Variants in KSR2 observed in about 807,000 individuals in gnomAD.
KSR2 encodes the protein kinase suppressor of ras 2.
In KSR2, 25 loss-of-function variants were observed where a neutral mutation model predicts 107.8. The observed-to-expected ratio is 0.23, with a 90% confidence interval of 0.17 to 0.32. KSR2 has a LOEUF of 0.32. Among genes scored for constraint, KSR2 ranks in the 10% least tolerant of loss-of-function variants. The pLI is 1.00. For missense variants in KSR2, 887 were observed against 1,268.9 expected, an observed-to-expected ratio of 0.70 and a Z score of 4.57; for synonymous variants, 480 against 507.0, an observed-to-expected ratio of 0.95 and a Z score of 0.71.
At chr12:117,703,186 A>T (rs562717794) in intron 4 of KSR2, among the ~76,000 whole-genome samples, 8 of 152,274 alleles carry the variant, frequency 5.3e-5, no homozygotes, top group Non-Finnish European at 1.2e-4. Context: ...CACATTCAGA[A>T]GTTGTCATTG....
chr12:117,855,364 C>T (rs562098177), intron 3 of KSR2, 64 bp downstream of exon 3: 13 of 1,582,574 alleles, frequency 8.2e-6, no homozygotes, highest in East Asian at 2.3e-5. Context: ...CACGGGATGC[C>T]GAGGGACCGC....
intron 5 of KSR2, among the ~76,000 whole-genome samples, chr12:117,615,278 G>GA (rs1254620718): frequency 6.6e-6 from 1 of 151,274 alleles, no homozygotes. Context: ...CTTTTGTCTA[G>GA]AAAAATGTGT....
chr12:117,712,261 T>C (rs1593158165), intron 4 of KSR2, among the ~76,000 whole-genome samples: 1 of 152,124 alleles, frequency 6.6e-6, no homozygotes, highest in East Asian at 1.9e-4. Context: ...CTCAAGGGGG[T>C]AGACTTCTCT....
At position 117,846,727 on chromosome 12, in the gene KSR2, C is replaced by T. The variant is rs11068697; in HGVS notation, c.472+8701G>A. On this transcript the variant is annotated intron_variant, in intron 3 of 19. Coordinates refer to ENST00000339824, the MANE Select transcript of KSR2 (RefSeq NM_173598.6). Reference sequence around the variant, plus strand: ...TTGCAATAGGGCAGCTGCTAGCCACCTGTGGCGATGAACAACTTGAAACAT... The same window carrying T: ...TTGCAATAGGGCAGCTGCTAGCCACTTGTGGCGATGAACAACTTGAAACAT... 3.9e-4 allele frequency among the ~76,000 whole-genome samples: 59 copies of T among 152,390 alleles called. No individual in the cohort carries two copies. In the East Asian group the frequency reaches 0.011, roughly 29 times the overall value.
At chr12:117,704,095 T>A (rs1196305518) in intron 4 of KSR2, among the ~76,000 whole-genome samples, 2 of 152,050 alleles carry the variant, frequency 1.3e-5, no homozygotes, top group African/African-American at 2.4e-5. Context: ...TTATCTGAAA[T>A]TGGGGAGGGC....
intron 9 of KSR2, among the ~76,000 whole-genome samples, chr12:117,543,897 A>G (rs1222932295): frequency 6.6e-6 from 1 of 152,166 alleles, no homozygotes; most frequent in Non-Finnish European, 1.5e-5. Flanking sequence ...CATTACTTAG[A>G]TTGCAGTTGC....
chr12:117,604,867 T>C (rs11068568), intron 5 of KSR2, among the ~76,000 whole-genome samples: 27,651 of 152,160 alleles, frequency 0.18, 4,074 homozygotes, highest in African/African-American at 0.4. Flanking sequence ...CTCTAGTTCA[T>C]TGTGGCCAAG....
intron 3 of KSR2, among the ~76,000 whole-genome samples, chr12:117,772,357 GCA>G (rs973231773): frequency 5.5e-5 from 5 of 91,464 alleles, no homozygotes; most frequent in Non-Finnish European, 1.0e-4. Context: ...CCCCAAAGAC[GCA>G]CACACACTCA....
At chr12:117,902,495 TAAAA>T (rs35386887) in intron 1 of KSR2, among the ~76,000 whole-genome samples, 1 of 102,496 alleles carries the variant, frequency 9.8e-6, no homozygotes, top group Non-Finnish European at 1.9e-5. Context: ...GACTCTGTCT[TAAAA>T]AAAAAAAAAA....
At chr12:117,730,098 C>T (rs926558521) in intron 4 of KSR2, among the ~76,000 whole-genome samples, 1 of 152,108 alleles carries the variant, frequency 6.6e-6, no homozygotes, top group Non-Finnish European at 1.5e-5. Context: ...TGAATGCAGC[C>T]AAAGAAAATA....
chr12:117,848,849 GATGAT>G (rs1892814774), intron 3 of KSR2, among the ~76,000 whole-genome samples: 1 of 151,056 alleles, frequency 6.6e-6, no homozygotes, highest in African/African-American at 2.4e-5. Flanking sequence ...TGGTGATGGT[GATGAT>G]GGTGATGATG....
chr12:117,875,243 G>A (rs532124642), intron 1 of KSR2, among the ~76,000 whole-genome samples: 77 of 152,020 alleles, frequency 5.1e-4, no homozygotes, highest in African/African-American at 1.8e-3. Context: ...TTTTCACTCC[G>A]AATCTAAACC....
intron 9 of KSR2, among the ~76,000 whole-genome samples, chr12:117,544,646 A>G (rs1014190660): frequency 6.6e-6 from 1 of 151,974 alleles, no homozygotes; most frequent in Non-Finnish European, 1.5e-5. Context: ...AAATATAACT[A>G]ATTTGTATTG....
intron 4 of KSR2, among the ~76,000 whole-genome samples, chr12:117,723,859 T>C (rs1021810702): frequency 6.6e-6 from 1 of 152,210 alleles, no homozygotes; most frequent in African/African-American, 2.4e-5. Flanking sequence ...TAACATTTAT[T>C]GTGTATTTCT....
chr12:117,793,406 C>T (rs1172170624), intron 3 of KSR2, among the ~76,000 whole-genome samples: 3 of 150,010 alleles, frequency 2.0e-5, no homozygotes, highest in Admixed American at 2.0e-4. Flanking sequence ...CCAACATGCA[C>T]ACATACACAC....
intron 14 of KSR2, among the ~76,000 whole-genome samples, chr12:117,506,356 T>C (rs1873678344): frequency 6.6e-6 from 1 of 152,240 alleles, no homozygotes; most frequent in African/African-American, 2.4e-5. Flanking sequence ...TAATACTCTT[T>C]TGGCAGCCTG....
intron 16 of KSR2, among the ~76,000 whole-genome samples, chr12:117,481,651 T>C (rs1006963662): frequency 2.6e-5 from 4 of 152,214 alleles, no homozygotes; most frequent in African/African-American, 4.8e-5. Flanking sequence ...GACTAATACA[T>C]GCACTCCCTA....
intron 1 of KSR2, among the ~76,000 whole-genome samples, chr12:117,940,878 G>A (rs531238490): frequency 3.9e-5 from 6 of 152,156 alleles, no homozygotes; most frequent in Admixed American, 2.6e-4. Flanking sequence ...TTCAGGCCAC[G>A]AGTTTGAGAC....
At chr12:117,651,482 T>C (rs753612041) in intron 5 of KSR2, among the ~76,000 whole-genome samples, 2 of 152,112 alleles carry the variant, frequency 1.3e-5, no homozygotes, top group African/African-American at 4.8e-5. Flanking sequence ...GGGTGTGGGA[T>C]AATGGGGGAA....
Sources: gnomAD v4.1 joint callset for allele counts (sites outside exome capture counted in the v4.1 genomes callset) on GRCh38, gnomAD v4.1.1 for gene constraint, MANE v1.5 for transcripts, NCBI Gene and HGNC (gene_info 2026-07-23, HGNC 2026-07-21) for gene names.